Variants in TNPO2 observed in about 807,000 individuals in gnomAD.
The protein encoded by TNPO2 is transportin-2.
TNPO2 carries 16 observed loss-of-function variants against 111.1 expected under a neutral mutation model. The observed-to-expected ratio is 0.14, with a 90% CI of 0.10 to 0.22. The LOEUF (loss-of-function observed/expected upper bound fraction) is 0.22. Ranked by LOEUF, TNPO2 falls within the 10% of genes least tolerant of loss-of-function variation. TNPO2 has a pLI of 1.00. For missense variants in TNPO2, 530 were observed against 1,173.7 expected, an observed-to-expected ratio of 0.45 and a Z score of 8.01; for synonymous variants, 481 against 475.8, an observed-to-expected ratio of 1.01 and a Z score of -0.14.
chr19:12,703,526 G>C lies in TNPO2; in HGVS notation c.2111C>G (p.Ala704Gly). ...ACFIHVKPCI[A>G]EFMPILGTNL... ...GGTGCCCAGAATGGGCATGAACTCG[G>C]CTGGTGGGGAGAAACAGGGGTGCTG... The change falls in exon 20 of 26, where the codon GCC becomes GGC. Residue 704 changes from alanine (A) to glycine (G), a missense_variant and splice_region_variant. Coordinates refer to ENST00000425528, the MANE Select transcript of TNPO2 (RefSeq NM_001382241.1). The C allele has an allele frequency of 6.2e-7, 1 of 1,613,970 alleles. No homozygotes were observed. The highest frequency in any genetic ancestry group is 8.5e-7 in the Non-Finnish European group (1 of 1,179,872).
Position 12,705,815 on chromosome 19 carries a change from A to AGGTCC in TNPO2, c.1669-48_1669-47insGGACC. On this transcript the variant is annotated intron_variant, in intron 15 of 25. Coordinates refer to ENST00000425528, the MANE Select transcript of TNPO2 (RefSeq NM_001382241.1). The surrounding 1 kb of genome is among the most constrained non-coding windows in gnomAD (Gnocchi z 7.2). ...GGCGCTCCCTGGGTCGGGGTGGCAG[A>AGGTCC]CTGTGACTCAGGTACCTGTTGCCCG... 2.2e-6 allele frequency: 3 copies of AGGTCC among 1,341,060 alleles called. No individual in the cohort carries two copies. Among genetic ancestry groups the AGGTCC allele is most frequent in the Non-Finnish European group, 3.0e-6 (3 of 999,430 alleles). The allele number at this position is 1,341,060 out of a possible 1,614,324, so 83.1% of individuals were successfully genotyped here.
intron 12 of TNPO2, 78 bp downstream of exon 12, chr19:12,711,218 G>A (rs566851832): frequency 2.2e-5 from 34 of 1,548,686 alleles, no homozygotes; most frequent in Non-Finnish European, 2.9e-5. Context: ...ATCAGCTTCT[G>A]CCTCAGCTTC....
rs572328564 is a variant in TNPO2, at chr19:12,701,285, C to T, written c.*20+41G>A. 18 of 1,386,898 alleles carry T rather than the reference C, an allele frequency of 1.3e-5. No homozygotes were observed. The East Asian group carries it at 2.5e-4, about 20-fold the overall frequency. 85.9% of individuals were successfully genotyped at this position (1,386,898 alleles called of 1,614,324 possible). ...AAGGTCATGGCCTGGGACCTTTCGGCCCCCAAGACAGTGCTGACTTGCCAG... is the reference window on the plus strand; with the variant it reads ...AAGGTCATGGCCTGGGACCTTTCGGTCCCCAAGACAGTGCTGACTTGCCAG... On this transcript the variant is annotated intron_variant, in intron 25 of 25. Coordinates refer to ENST00000425528, the MANE Select transcript of TNPO2 (RefSeq NM_001382241.1). The surrounding 1 kb of genome is among the most constrained non-coding windows in gnomAD (Gnocchi z 5.0).
intron 5 of TNPO2, among the ~76,000 whole-genome samples, chr19:12,716,580 C>T (rs1038003639): frequency 1.1e-4 from 16 of 151,892 alleles, no homozygotes; most frequent in Non-Finnish European, 2.1e-4. Context: ...GAGCAGAGAT[C>T]GCGCCACAGC....
chr19:12,705,380 C>T lies in TNPO2; in HGVS notation c.1882G>A (p.Glu628Lys). The T allele has an allele frequency of 3.2e-6, 5 of 1,586,088 alleles. No homozygotes were observed. Among genetic ancestry groups the T allele is most frequent in the Non-Finnish European group, 4.3e-6 (5 of 1,166,418 alleles). Reference protein sequence around the residue: ...AQAMMYTQHPEQYEAPDKDFM... With the variant: ...AQAMMYTQHPKQYEAPDKDFM... ...TCCTTGTCGGGAGCCTCATACTGCT[C>T]AGGGTGCTGGGTGTACATCTAGACA... is the stretch of plus-strand genomic sequence containing the variant. The change falls in exon 18 of 26, where the codon GAG becomes AAG. Residue 628 changes from glutamate to lysine, a missense_variant. Glu to Lys is a moderately conservative substitution (Grantham distance 56). Coordinates refer to ENST00000425528, the MANE Select transcript of TNPO2 (RefSeq NM_001382241.1). This position sits in a 1 kb window ranked among gnomAD's most constrained non-coding sequence, Gnocchi z 7.2.
intron 10 of TNPO2, among the ~76,000 whole-genome samples, chr19:12,711,965 T>C (rs1025887134): frequency 1.3e-5 from 2 of 151,752 alleles, no homozygotes; most frequent in Non-Finnish European, 2.9e-5. Flanking sequence ...TGTTCCAGTA[T>C]AATAAAATAT....
chr19:12,707,657 T>C (rs2145507915), intron 13 of TNPO2, among the ~76,000 whole-genome samples: 1 of 151,198 alleles, frequency 6.6e-6, no homozygotes, highest in South Asian at 2.1e-4. Flanking sequence ...CCCAACTAAT[T>C]TTTATATTTT....
chr19:12,706,539 G>C lies in TNPO2; in HGVS notation c.1496+31C>G. ...TCCCAGAGGGTGGCCGGGGGAGAGT[G>C]GGGGCTGTGGGATCAGGGGTCCAGG... On this transcript the variant is annotated intron_variant, in intron 14 of 25. Transcript: ENST00000425528. This position sits in a 1 kb window ranked among gnomAD's most constrained non-coding sequence, Gnocchi z 7.0. 1 of 1,608,698 alleles carries C rather than the reference G, an allele frequency of 6.2e-7. No homozygotes were observed. Among genetic ancestry groups the C allele is most frequent in the Non-Finnish European group, 8.5e-7 (1 of 1,175,438 alleles).
At chr19:12,713,722 AAAT>A (rs550742766) in intron 10 of TNPO2, among the ~76,000 whole-genome samples, 7 of 152,040 alleles carry the variant, frequency 4.6e-5, no homozygotes, top group Non-Finnish European at 8.8e-5. Flanking sequence ...AGAAATTTCA[AAAT>A]AATAATAATA....
chr19:12,702,827 G>A lies in TNPO2; in HGVS notation c.2301C>T (p.Asn767=). The A allele has an allele frequency of 6.2e-7, 1 of 1,613,920 alleles. No individual in the cohort carries two copies. The highest frequency in any genetic ancestry group is 8.5e-7 in the Non-Finnish European group (1 of 1,179,808). The change falls in exon 21 of 26, where the codon AAC becomes AAT. Residue 767 remains asparagine (N), a synonymous_variant. Transcript: ENST00000425528. The surrounding 1 kb of genome is among the most constrained non-coding windows in gnomAD (Gnocchi z 5.5). ...GCAGCCGGGCCAGGTGCCCACCTGT[G>A]TTTTCCAGCAGTGTCTTGGGTGTGT... ...RPNTPKTLLE[N]TGRLTSPSAI...
chr19:12,702,132 C>T lies in TNPO2; in HGVS notation c.2351G>A (p.Arg784His). 3.1e-6 allele frequency: 5 copies of T among 1,613,502 alleles called. No individual in the cohort carries two copies. The highest frequency in any genetic ancestry group is 3.4e-6 in the Non-Finnish European group (4 of 1,179,800). ...PSAIPAITIG[R>H]LGYVCPQEVA... ...CTCCTGGGGGCACACGTAGCCCAAG[C>T]GGCCGATGGTGATGGCTGGAATGGC... The change falls in exon 22 of 26, where the codon CGC (arginine) becomes CAC (histidine). Residue 784 changes from arginine to histidine, a missense_variant. Physicochemically the swap from Arg to His is conservative, Grantham distance 29. Transcript: ENST00000425528. This position sits in a 1 kb window ranked among gnomAD's most constrained non-coding sequence, Gnocchi z 5.5.
At chr19:12,707,719 C>T (rs2025781114) in intron 13 of TNPO2, among the ~76,000 whole-genome samples, 1 of 151,786 alleles carries the variant, frequency 6.6e-6, no homozygotes, top group South Asian at 2.1e-4. Flanking sequence ...AAAATCCCGA[C>T]CTCACGTGAT....
chr19:12,709,847 G>A (rs2025940813), intron 13 of TNPO2, among the ~76,000 whole-genome samples: 1 of 151,990 alleles, frequency 6.6e-6, no homozygotes, highest in African/African-American at 2.4e-5. Flanking sequence ...TCGGACTCCT[G>A]GGCTAAAGCA....
Position 12,701,547 on chromosome 19 carries a change from C to T in TNPO2, c.2586+51G>A, listed in dbSNP as rs2025301990. ...CCAGGCCCCATTGTTACCAGATGGT[C>T]TCACCCCTGCCTGCTCCCGGAACTA... On this transcript the variant is annotated intron_variant, in intron 24 of 25. Transcript: ENST00000425528. The surrounding 1 kb of genome is among the most constrained non-coding windows in gnomAD (Gnocchi z 5.0). The T allele has an allele frequency of 3.7e-6, 6 of 1,608,360 alleles. No individual in the cohort carries two copies. In the East Asian group the frequency reaches 1.3e-4, roughly 36 times the overall value.
chr19:12,703,399 G>A, intron 20 of TNPO2, 29 bp downstream of exon 20: 2 of 1,596,844 alleles, frequency 1.3e-6, no homozygotes, highest in Non-Finnish European at 1.7e-6. Context: ...CTAATGGGGG[G>A]CGCGTGTTGC....
In TNPO2 at chr19:12,702,940, G is replaced by A; in HGVS notation, c.2210-22C>T. ...GCCCCTGGGGGAGCACCCAGTCAGA[G>A]CCCTGCACAGCCCCCGCCACCCACA... On this transcript the variant is annotated intron_variant, in intron 20 of 25. Coordinates refer to ENST00000425528, the MANE Select transcript of TNPO2 (RefSeq NM_001382241.1). The surrounding 1 kb of genome is among the most constrained non-coding windows in gnomAD (Gnocchi z 5.5). The A allele has an allele frequency of 6.2e-7, 1 of 1,608,536 alleles. No individual in the cohort carries two copies. Among genetic ancestry groups the A allele is most frequent in the Non-Finnish European group, 8.5e-7 (1 of 1,175,486 alleles).
chr19:12,702,383 T>TG lies in TNPO2; in HGVS notation c.2306-207_2306-206insC. On this transcript the variant is annotated intron_variant, in intron 21 of 25. Coordinates refer to ENST00000425528, the MANE Select transcript of TNPO2 (RefSeq NM_001382241.1). The surrounding 1 kb of genome is among the most constrained non-coding windows in gnomAD (Gnocchi z 5.5). ...TTTCTTTCTTTCCTTTCCCTTTCCT[T>TG]TTTGTTTTTTTTTGTTTTGTTTTGT... is the stretch of plus-strand genomic sequence containing the variant. The TG allele has an allele frequency of 1.5e-6, 1 of 680,438 alleles. No homozygotes were observed. Among genetic ancestry groups the TG allele is most frequent in the African/African-American group, 1.9e-5 (1 of 53,026 alleles). 42.2% of individuals were successfully genotyped at this position (680,438 alleles called of 1,614,324 possible).
chr19:12,712,206 A>G (rs1297918791), intron 10 of TNPO2, among the ~76,000 whole-genome samples: 1 of 152,224 alleles, frequency 6.6e-6, no homozygotes, highest in Non-Finnish European at 1.5e-5. Flanking sequence ...CAGGGCCACC[A>G]GAGGGCTCCT....
At chr19:12,704,872 A>G (rs10401993) in intron 18 of TNPO2, among the ~76,000 whole-genome samples, 117,889 of 151,866 alleles carry the variant, frequency 0.78, 46,723 homozygotes, top group African/African-American at 0.89. Context: ...TCGTAGAGAC[A>G]GGATTTCACC....
Sources: allele counts gnomAD v4.1 joint callset (sites outside exome capture counted in the v4.1 genomes callset), GRCh38; gene constraint gnomAD v4.1.1; non-coding constraint Gnocchi (gnomAD v3.1); transcripts MANE v1.5; gene names NCBI Gene and HGNC (gene_info 2026-07-23, HGNC 2026-07-21).